DENND2B: variants seen among roughly 807,000 people sequenced by gnomAD.
DENND2B encodes DENN domain containing 2B, also known as DENN domain-containing protein 2B.
A neutral mutation model predicts 116.0 loss-of-function variants in DENND2B; 32 were observed. That is an observed-to-expected ratio of 0.28 (90% CI 0.21 to 0.37). DENND2B has a LOEUF of 0.37. Ranked by LOEUF, DENND2B falls within the 10% of genes least tolerant of loss-of-function variation. The pLI is 1.00. For missense variants in DENND2B, 1,276 were observed against 1,477.7 expected (o/e 0.86, Z 2.24); for synonymous variants, 588 against 583.9 (o/e 1.01, Z -0.10).
intron 1 of DENND2B, among the ~76,000 whole-genome samples, chr11:8,788,823 C>CT (rs1461305952): frequency 3.3e-5 from 5 of 152,214 alleles, no homozygotes; most frequent in African/African-American, 9.6e-5. Context: ...TTTGACCATT[C>CT]ACTACCTGAC....
At chr11:8,842,598 A>G (rs1408238744) in intron 3 of DENND2B, among the ~76,000 whole-genome samples, 2 of 152,182 alleles carry the variant, frequency 1.3e-5, no homozygotes, top group Non-Finnish European at 2.9e-5. Context: ...CCCTGCGCAA[A>G]CACCACATCA....
At chr11:8,856,713 G>A (rs79448407) in intron 3 of DENND2B, among the ~76,000 whole-genome samples, 1,793 of 151,748 alleles carry the variant, frequency 0.012, 43 homozygotes, top group African/African-American at 0.041. Context: ...ATTCATTTCC[G>A]TCTGTTCCTT....
At chr11:8,766,486 A>C in intron 1 of DENND2B, 2 of 629,974 alleles carry the variant, frequency 3.2e-6, no homozygotes, top group Admixed American at 3.1e-5. Flanking sequence ...GGGGTCTTCC[A>C]CACACGCTCA....
Position 8,702,573 on chromosome 11 carries a change from T to A in DENND2B, c.2719A>T (p.Ser907Cys). The A allele has an allele frequency of 1.2e-6, 2 of 1,612,044 alleles. No homozygotes were observed. Among genetic ancestry groups the A allele is most frequent in the Non-Finnish European group, 1.7e-6 (2 of 1,179,996 alleles). ...CTTTCTTGCCCGGCTGGGCCCTACC[T>A]GAGCTTATCTGCCACAAAAATGACC... Reference protein sequence around the residue: ...RRVIFVADKLSTLSSCSHAVV... With the variant: ...RRVIFVADKLCTLSSCSHAVV... Residue 907 changes from serine to cysteine, a missense_variant and splice_region_variant, in exon 14 of 20, where the codon AGT (serine) becomes TGT (cysteine). Transcript: ENST00000313726. This position sits in a 1 kb window ranked among gnomAD's most constrained non-coding sequence, Gnocchi z 4.6.
chr11:8,784,003 G>A (rs1052530899), intron 1 of DENND2B: 1 of 152,144 alleles, frequency 6.6e-6, no homozygotes, highest in Non-Finnish European at 1.5e-5. Context: ...ATTTTAATAC[G>A]TTTTTCACTT....
At chr11:8,717,210 T>TA (rs1479751727) in intron 5 of DENND2B, among the ~76,000 whole-genome samples, 1 of 152,140 alleles carries the variant, frequency 6.6e-6, no homozygotes, top group African/African-American at 2.4e-5. Context: ...ATCCATTCCT[T>TA]AAAGATTCAT....
intron 1 of DENND2B, among the ~76,000 whole-genome samples, chr11:8,770,405 A>G (rs2056647821): frequency 6.6e-6 from 1 of 152,146 alleles, no homozygotes; most frequent in African/African-American, 2.4e-5. Context: ...TAAATCAACA[A>G]TTAGTAGTCA....
rs1477006809 is a variant in DENND2B, at chr11:8,730,062, G to A, written c.1228C>T (p.Leu410=). 1 of 1,614,198 alleles carries A rather than the reference G, an allele frequency of 6.2e-7. No homozygotes were observed. The highest frequency in any genetic ancestry group is 1.7e-5 in the Admixed American group (1 of 60,022). Residue 410 remains leucine, a synonymous_variant, in exon 3 of 20, where the codon CTA becomes TTA. Coordinates refer to ENST00000313726, the MANE Select transcript of DENND2B (RefSeq NM_213618.2). This position sits in a 1 kb window ranked among gnomAD's most constrained non-coding sequence, Gnocchi z 4.1. ...GCAGCAGGTGTGGGTGAAGGAGGTA[G>A]ACCATTACTGGGCTTACTCTTGGGG... is the stretch of plus-strand genomic sequence containing the variant. The part of the protein sequence containing the change: ...KNPKSKPSNG[L]PPSPTPAAPP...
At chr11:8,701,217 C>G (rs1395455544) in intron 14 of DENND2B, among the ~76,000 whole-genome samples, 2 of 152,108 alleles carry the variant, frequency 1.3e-5, no homozygotes, top group Non-Finnish European at 2.9e-5. Flanking sequence ...CAATTCCCAC[C>G]GTTGTCCTCT....
chr11:8,712,525 C>A lies in DENND2B; in HGVS notation c.2172+26G>T. The A allele has an allele frequency of 1.3e-6, 2 of 1,542,914 alleles. No homozygotes were observed. The highest frequency in any genetic ancestry group is 1.8e-6 in the Non-Finnish European group (2 of 1,141,046). ...GAGGATGGAAGAGGGGGAATATGGG[C>A]AAGGTGGGGAGAGAGAAGGCCTCAC... On this transcript the variant is annotated intron_variant, in intron 9 of 19. Coordinates refer to ENST00000313726, the MANE Select transcript of DENND2B (RefSeq NM_213618.2). The surrounding 1 kb of genome is among the most constrained non-coding windows in gnomAD (Gnocchi z 4.4).
chr11:8,762,405 C>A (rs2054831752), intron 1 of DENND2B, among the ~76,000 whole-genome samples: 1 of 152,232 alleles, frequency 6.6e-6, no homozygotes, highest in Non-Finnish European at 1.5e-5. Flanking sequence ...ACAGTCCAGG[C>A]CCATCTCTAG....
At chr11:8,847,534 T>C (rs1441367047) in intron 3 of DENND2B, among the ~76,000 whole-genome samples, 2 of 152,018 alleles carry the variant, frequency 1.3e-5, no homozygotes, top group African/African-American at 4.8e-5. Flanking sequence ...AATGAATATA[T>C]AGGAAAAGGG....
intron 4 of DENND2B, among the ~76,000 whole-genome samples, chr11:8,825,794 A>T (rs895933788): frequency 5.3e-5 from 8 of 152,166 alleles, no homozygotes; most frequent in Non-Finnish European, 1.0e-4. Context: ...GTTATTAGTG[A>T]AAAAGACCTG....
intron 2 of DENND2B, among the ~76,000 whole-genome samples, chr11:8,734,415 T>C (rs566459422): frequency 1.8e-4 from 27 of 152,254 alleles, no homozygotes; most frequent in African/African-American, 6.5e-4. Flanking sequence ...TGTAGCCACT[T>C]ATAAGCTTCA....
intron 1 of DENND2B, among the ~76,000 whole-genome samples, chr11:8,895,220 AG>A (rs1566088928): frequency 6.6e-6 from 1 of 151,312 alleles, no homozygotes. Context: ...GGACACAGGA[AG>A]GGGAACATCA....
At chr11:8,870,890 G>A (rs1313249393) in intron 2 of DENND2B, 1 of 152,240 alleles carries the variant, frequency 6.6e-6, no homozygotes, top group Non-Finnish European at 1.5e-5. Context: ...AAAGGGCTGG[G>A]AGGGCAGGGG....
intron 1 of DENND2B, among the ~76,000 whole-genome samples, chr11:8,805,284 A>G (rs935235972): frequency 6.6e-6 from 1 of 152,210 alleles, no homozygotes; most frequent in Admixed American, 6.5e-5. Flanking sequence ...CTGAGTACCT[A>G]AGAGTCACTG....
rs773959474 is a variant in DENND2B, at chr11:8,883,196, C to T, written c.-255-2087G>A. On this transcript the variant is annotated intron_variant, in intron 1 of 22. Transcript: ENST00000534127. ...TTGTTGTTGTTTTCATTTGGGATAA[C>T]TACAAATAAAACCAAAGAAAAGGCA... is the stretch of plus-strand genomic sequence containing the variant. 3.8e-4 allele frequency among the ~76,000 whole-genome samples: 58 copies of T among 152,096 alleles called. 1 individual carries two copies. Among genetic ancestry groups the T allele is most frequent in the East Asian group, 3.7e-3 (19 of 5,186 alleles).
intron 13 of DENND2B, chr11:8,703,005 A>G: frequency 2.4e-6 from 1 of 423,558 alleles, no homozygotes; most frequent in South Asian, 2.9e-5. Flanking sequence ...TCAGGAAGAG[A>G]GGAGAGCTGA....
Sources: gnomAD v4.1 joint callset for allele counts (sites outside exome capture counted in the v4.1 genomes callset) on GRCh38, gnomAD v4.1.1 for gene constraint, Gnocchi (gnomAD v3.1) non-coding constraint, MANE v1.5 for transcripts, NCBI Gene and HGNC (gene_info 2026-07-23, HGNC 2026-07-21) for gene names.